Variants in DLGAP1 observed in about 807,000 individuals in gnomAD.
The protein encoded by DLGAP1 is disks large-associated protein 1.
In DLGAP1, 11 loss-of-function variants were observed where a neutral mutation model predicts 90.8. The ratio of observed to expected loss-of-function variants is 0.12; its 90% CI spans 0.08 to 0.20. DLGAP1 has a LOEUF of 0.20. Ranked by LOEUF, DLGAP1 falls within the 10% of genes least tolerant of loss-of-function variation. The pLI is 1.00. For missense variants in DLGAP1, 1,050 were observed against 1,333.8 expected (o/e 0.79, Z 3.31); for synonymous variants, 558 against 540.7 (o/e 1.03, Z -0.44).
At chr18:4,197,705 A>ACAGAATAT (rs2077527205) in intron 1 of DLGAP1, among the ~76,000 whole-genome samples, 1 of 152,200 alleles carries the variant, frequency 6.6e-6, no homozygotes, top group Non-Finnish European at 1.5e-5. Context: ...CAAGCTGCCC[A>ACAGAATAT]CAGAATATCT....
At chr18:4,205,637 C>T (rs900088884) in intron 1 of DLGAP1, among the ~76,000 whole-genome samples, 1 of 152,192 alleles carries the variant, frequency 6.6e-6, no homozygotes, top group Non-Finnish European at 1.5e-5. Flanking sequence ...GGATTATAGG[C>T]ATGAGCCACC....
At chr18:3,851,292 C>G (rs909709800) in intron 4 of DLGAP1, among the ~76,000 whole-genome samples, 1 of 152,152 alleles carries the variant, frequency 6.6e-6, no homozygotes, top group Non-Finnish European at 1.5e-5. Flanking sequence ...CAGGAAAATT[C>G]TAAAAGTGTT....
At chr18:3,598,639 T>C (rs766154797) in intron 7 of DLGAP1, among the ~76,000 whole-genome samples, 3 of 151,878 alleles carry the variant, frequency 2.0e-5, no homozygotes, top group Non-Finnish European at 4.4e-5. Context: ...AGCTAATTTT[T>C]GTATTTTTAG....
intron 1 of DLGAP1, among the ~76,000 whole-genome samples, chr18:4,404,159 A>G (rs2082616169): frequency 6.6e-6 from 1 of 152,188 alleles, no homozygotes. Context: ...TCCTTATCCA[A>G]CAGTTTGTTG....
chr18:3,977,785 A>G, intron 3 of DLGAP1: 1 of 374,542 alleles, frequency 2.7e-6, no homozygotes, highest in South Asian at 2.3e-5. Context: ...AGAGTGGGTG[A>G]TGCTGTTAAA....
chr18:4,410,314 A>T (rs2082749554), intron 1 of DLGAP1, among the ~76,000 whole-genome samples: 1 of 152,204 alleles, frequency 6.6e-6, no homozygotes. Context: ...AAATAAAAAA[A>T]TTGGTAGAAA....
In DLGAP1 at chr18:4,203,095, T is replaced by C. The variant is rs147981902; in HGVS notation, c.-266-51808A>G. On this transcript the variant is annotated intron_variant, in intron 1 of 12. Transcript: ENST00000315677. ...TTCGAGACCAGCCTGGCCATCATGA[T>C]GAAACCTGTCTCTACTAAAAATACA... is the stretch of plus-strand genomic sequence containing the variant. Among the ~76,000 whole-genome samples the C allele has an allele frequency of 1.1e-3, 160 of 152,112 alleles. 1 individual carries two copies. The highest frequency in any genetic ancestry group is 3.4e-3 in the Middle Eastern group (1 of 294).
chr18:4,155,302 T>C (rs778169091), intron 1 of DLGAP1, among the ~76,000 whole-genome samples: 8 of 152,184 alleles, frequency 5.3e-5, no homozygotes, highest in Non-Finnish European at 1.0e-4. Context: ...TTGTGAACCA[T>C]GTGGGAACTG....
At chr18:3,659,410 CACACACACACACA>C in intron 7 of DLGAP1, among the ~76,000 whole-genome samples, 1 of 140,970 alleles carries the variant, frequency 7.1e-6, no homozygotes, top group African/African-American at 2.7e-5. Flanking sequence ...CACACACACA[CACACACACACACA>C]CACACACACA....
rs1049602551 is a variant in DLGAP1, at chr18:3,560,158, C to T, written c.2057+7332G>A. 2.0e-5 allele frequency among the ~76,000 whole-genome samples: 3 copies of T among 151,578 alleles called. No homozygotes were observed. In the South Asian group the frequency reaches 6.3e-4, roughly 32 times the overall value. ...AAAATGGGCCAGGCGCAGTGGCTCA[C>T]GCCTGTAATCCCAGCACTTTGGGAG... On this transcript the variant is annotated intron_variant, in intron 9 of 12. Transcript: ENST00000315677.
At chr18:4,017,007 TC>T (rs1485200981) in intron 2 of DLGAP1, among the ~76,000 whole-genome samples, 7 of 152,106 alleles carry the variant, frequency 4.6e-5, no homozygotes, top group Admixed American at 4.6e-4. Context: ...GCCCCTCATC[TC>T]CCCAGCAATA....
chr18:4,016,387 T>C (rs2074523682), intron 2 of DLGAP1, among the ~76,000 whole-genome samples: 1 of 152,228 alleles, frequency 6.6e-6, no homozygotes, highest in South Asian at 2.1e-4. Flanking sequence ...AAGTGTGGAA[T>C]TGTTCCCAGT....
At chr18:4,371,284 G>T (rs976391153) in intron 1 of DLGAP1, among the ~76,000 whole-genome samples, 2 of 152,224 alleles carry the variant, frequency 1.3e-5, no homozygotes, top group Non-Finnish European at 2.9e-5. Flanking sequence ...TCAAATATAT[G>T]TGGCTTAGTA....
At chr18:4,234,296 C>T (rs1049855812) in intron 1 of DLGAP1, among the ~76,000 whole-genome samples, 2 of 152,080 alleles carry the variant, frequency 1.3e-5, no homozygotes, top group Non-Finnish European at 2.9e-5. Context: ...ATGACACTTA[C>T]ATACACTTTA....
chr18:4,230,557 C>A (rs1383683220), intron 1 of DLGAP1, among the ~76,000 whole-genome samples: 1 of 151,732 alleles, frequency 6.6e-6, no homozygotes, highest in Admixed American at 6.6e-5. Context: ...CATGTTCTCA[C>A]TTATTTGTAG....
chr18:4,449,343 T>C (rs2083757282), intron 1 of DLGAP1, among the ~76,000 whole-genome samples: 1 of 152,200 alleles, frequency 6.6e-6, no homozygotes, highest in Non-Finnish European at 1.5e-5. Context: ...GCATGTTGCC[T>C]AGTTGGGAAA....
chr18:3,609,133 C>CT (rs1245621278), intron 7 of DLGAP1, among the ~76,000 whole-genome samples: 1 of 145,348 alleles, frequency 6.9e-6, no homozygotes, highest in Non-Finnish European at 1.5e-5. Flanking sequence ...CCAGCCTGAT[C>CT]TGTAATACTC....
chr18:3,955,268 C>A (rs1010587582), intron 3 of DLGAP1, among the ~76,000 whole-genome samples: 4 of 152,086 alleles, frequency 2.6e-5, no homozygotes, highest in African/African-American at 9.7e-5. Context: ...ACTTGTCTAA[C>A]AAATCATAAA....
chr18:3,542,383 G>A (rs145145669), intron 9 of DLGAP1, among the ~76,000 whole-genome samples: 170 of 152,272 alleles, frequency 1.1e-3, no homozygotes, highest in African/African-American at 3.9e-3. Context: ...TGATGAGGCA[G>A]AAAAAGAGGC....
Sources: allele counts gnomAD v4.1 joint callset (sites outside exome capture counted in the v4.1 genomes callset), GRCh38; gene constraint gnomAD v4.1.1; transcripts MANE v1.5; gene names NCBI Gene and HGNC (gene_info 2026-07-23, HGNC 2026-07-21).